CCSER1: variants seen among roughly 807,000 people sequenced by gnomAD.
CCSER1 encodes coiled-coil serine rich protein 1, also known as serine-rich coiled-coil domain-containing protein 1.
CCSER1 carries 41 observed loss-of-function variants against 82.0 expected under a neutral mutation model. The ratio of observed to expected loss-of-function variants is 0.50; its 90% confidence interval spans 0.39 to 0.65. CCSER1 has a LOEUF of 0.65. Ranked by LOEUF, CCSER1 falls within the 30% of genes least tolerant of loss-of-function variation. The probability of loss-of-function intolerance (pLI) is 0.00; values close to 1 mark genes in which losing one functional copy is unlikely to be tolerated. For synonymous variants in CCSER1, 414 were observed against 383.9 expected (o/e 1.08, Z -0.92); for missense variants, 1,119 against 1,064.2 (o/e 1.05, Z -0.72).
intron 5 of CCSER1, among the ~76,000 whole-genome samples, chr4:90,576,513 T>C (rs1780788695): frequency 6.6e-6 from 1 of 152,150 alleles, no homozygotes; most frequent in South Asian, 2.1e-4. Flanking sequence ...TCTTCTTTGT[T>C]CTACTTATTT....
At chr4:90,949,131 A>G (rs972993095) in intron 9 of CCSER1, among the ~76,000 whole-genome samples, 1 of 152,110 alleles carries the variant, frequency 6.6e-6, no homozygotes, top group African/African-American at 2.4e-5. Flanking sequence ...CCTCATGAGT[A>G]TCAGACACAG....
At chr4:90,893,605 C>A (rs1485865750) in intron 8 of CCSER1, among the ~76,000 whole-genome samples, 1 of 152,062 alleles carries the variant, frequency 6.6e-6, no homozygotes. Flanking sequence ...ACTCTTCACA[C>A]AGAAACATTT....
chr4:91,033,740 C>T (rs952931110), intron 9 of CCSER1, among the ~76,000 whole-genome samples: 2 of 152,156 alleles, frequency 1.3e-5, no homozygotes, highest in Non-Finnish European at 2.9e-5. Flanking sequence ...TCAGAAGTGT[C>T]TTTAAAGCTT....
At chr4:90,932,495 A>C (rs1280974737) in intron 9 of CCSER1, among the ~76,000 whole-genome samples, 1 of 152,122 alleles carries the variant, frequency 6.6e-6, no homozygotes, top group East Asian at 1.9e-4. Context: ...GTGCTAATAT[A>C]GAATGAAAAG....
chr4:91,274,368 G>A (rs534741560), intron 10 of CCSER1, among the ~76,000 whole-genome samples: 10 of 152,002 alleles, frequency 6.6e-5, no homozygotes, highest in African/African-American at 2.2e-4. Context: ...TAAAATATAC[G>A]AAACACTGTT....
In CCSER1 at chr4:90,476,611, A is replaced by G. The variant is rs150475798; in HGVS notation, c.1724+8257A>G. Reference sequence around the variant, plus strand: ...ATGAGCTCATTATTCGCTGGTTTATATATATTGAAAAAAACTAAAGAAGGT... The same window carrying G: ...ATGAGCTCATTATTCGCTGGTTTATGTATATTGAAAAAAACTAAAGAAGGT... On this transcript the variant is annotated intron_variant, in intron 5 of 10. Transcript: ENST00000509176. Among the ~76,000 whole-genome samples, 42 of 152,266 alleles carry G rather than the reference A, an allele frequency of 2.8e-4. No individual in the cohort carries two copies. The East Asian group carries it at 3.7e-3, about 13-fold the overall frequency.
chr4:90,366,914 A>G (rs1409069770), intron 3 of CCSER1, among the ~76,000 whole-genome samples: 1 of 151,902 alleles, frequency 6.6e-6, no homozygotes, highest in African/African-American at 2.4e-5. Flanking sequence ...AAAGGTATGT[A>G]TAACTTAACA....
chr4:90,608,658 A>T (rs1040001811), intron 5 of CCSER1, among the ~76,000 whole-genome samples: 1 of 152,158 alleles, frequency 6.6e-6, no homozygotes, highest in East Asian at 1.9e-4. Context: ...AAAATGATTC[A>T]TGCATAATGT....
At chr4:90,483,892 T>A (rs1766520365) in intron 5 of CCSER1, among the ~76,000 whole-genome samples, 1 of 152,326 alleles carries the variant, frequency 6.6e-6, no homozygotes, top group East Asian at 1.9e-4. Context: ...TGGCATTCTC[T>A]GTATTCACTG....
intron 9 of CCSER1, among the ~76,000 whole-genome samples, chr4:91,078,921 G>T (rs1722349424): frequency 6.6e-6 from 1 of 152,158 alleles, no homozygotes; most frequent in Admixed American, 6.5e-5. Context: ...AGAAATATGG[G>T]ACTATGTGAA....
chr4:90,143,483 T>TACACACACACAC (rs1331230610), intron 1 of CCSER1, among the ~76,000 whole-genome samples: 5 of 78,228 alleles, frequency 6.4e-5, no homozygotes, highest in Non-Finnish European at 1.4e-4. Context: ...TCCTAGCAAG[T>TACACACACACAC]ACACACATAC....
chr4:90,956,089 A>G (rs1454699181), intron 9 of CCSER1, among the ~76,000 whole-genome samples: 1 of 152,184 alleles, frequency 6.6e-6, no homozygotes, highest in African/African-American at 2.4e-5. Flanking sequence ...ACAGTGCTGG[A>G]CACATCATAA....
chr4:90,293,242 G>GAT (rs1015060932), intron 1 of CCSER1, among the ~76,000 whole-genome samples: 5 of 151,596 alleles, frequency 3.3e-5, no homozygotes, highest in African/African-American at 9.7e-5. Flanking sequence ...AATTTGAATT[G>GAT]ATATATATAT....
intron 6 of CCSER1, among the ~76,000 whole-genome samples, chr4:90,710,395 A>C (rs1048114177): frequency 6.6e-6 from 1 of 151,988 alleles, no homozygotes; most frequent in Non-Finnish European, 1.5e-5. Context: ...TTATCATGAA[A>C]TCTTTGCTCA....
chr4:90,240,172 G>A (rs557597835), intron 1 of CCSER1, among the ~76,000 whole-genome samples: 15 of 152,074 alleles, frequency 9.9e-5, no homozygotes, highest in Admixed American at 2.0e-4. Context: ...TAGAATAGTC[G>A]GCATGGATAA....
intron 5 of CCSER1, among the ~76,000 whole-genome samples, chr4:90,491,402 T>A (rs550687546): frequency 4.7e-4 from 71 of 152,330 alleles, no homozygotes; most frequent in African/African-American, 1.5e-3. Flanking sequence ...CTTATCAGCT[T>A]AAGGAGATTT....
At chr4:90,407,520 T>A (rs895845672) in intron 4 of CCSER1, among the ~76,000 whole-genome samples, 2 of 152,210 alleles carry the variant, frequency 1.3e-5, no homozygotes, top group African/African-American at 4.8e-5. Context: ...AGTATCACCC[T>A]GATACCAAAA....
intron 10 of CCSER1, among the ~76,000 whole-genome samples, chr4:91,565,025 GTTGT>G (rs1157042864): frequency 1.7e-5 from 2 of 120,424 alleles, no homozygotes; most frequent in Admixed American, 1.9e-4. Context: ...TGCACCTTGA[GTTGT>G]GTGTGTGTGT....
At chr4:90,728,402 CTT>C (rs1219546108) in intron 7 of CCSER1, among the ~76,000 whole-genome samples, 1 of 146,374 alleles carries the variant, frequency 6.8e-6, no homozygotes, top group East Asian at 2.0e-4. Context: ...AGAAAAAACT[CTT>C]TGATGTACTT....
Sources: allele counts gnomAD v4.1 joint callset (sites outside exome capture counted in the v4.1 genomes callset), GRCh38; gene constraint gnomAD v4.1.1; transcripts MANE v1.5; gene names NCBI Gene and HGNC (gene_info 2026-07-23, HGNC 2026-07-21).